The following AGPAT4 variants were observed in gnomAD, a reference collection of about 807,000 sequenced individuals.
AGPAT4 encodes 1-acyl-sn-glycerol-3-phosphate acyltransferase delta.
AGPAT4 carries 15 observed loss-of-function variants against 48.0 expected under a neutral mutation model. The observed-to-expected ratio is 0.31, with a 90% CI of 0.21 to 0.48. The LOEUF (loss-of-function observed/expected upper bound fraction) is 0.48. Among genes scored for constraint, AGPAT4 ranks in the 20% least tolerant of loss-of-function variants. The probability of loss-of-function intolerance (pLI) is 0.99; values close to 1 mark genes in which losing one functional copy is unlikely to be tolerated. For synonymous variants in AGPAT4, 178 were observed against 198.7 expected (o/e 0.90, Z 0.88); for missense variants, 314 against 482.5 (o/e 0.65, Z 3.27).
Position 161,165,677 on chromosome 6 carries a change from G to A in AGPAT4, c.348+571C>T. ...GACAAAAGTCAACTGAAGAGACCCA[G>A]TTCCAAAGGCATGCAAGCTACGTGC... On this transcript the variant is annotated intron_variant, in intron 3 of 8. Transcript: ENST00000320285. The surrounding 1 kb of genome is among the most constrained non-coding windows in gnomAD (Gnocchi z 5.5). 1 of 1,286,284 alleles carries A rather than the reference G, an allele frequency of 7.8e-7. No homozygotes were observed. Among genetic ancestry groups the A allele is most frequent in the Non-Finnish European group, 1.0e-6 (1 of 972,586 alleles). 79.7% of individuals were successfully genotyped at this position (1,286,284 alleles called of 1,614,324 possible).
In AGPAT4 at chr6:161,266,786, G is replaced by A. The variant is rs1783276973; in HGVS notation, c.-90+7152C>T. On this transcript the variant is annotated intron_variant, in intron 1 of 8. Transcript: ENST00000320285. The surrounding 1 kb of genome is among the most constrained non-coding windows in gnomAD (Gnocchi z 6.2). ...CTGCAGTATCCTGGGAAGAAGATGT[G>A]CTTGCATAGACAGATAGTTCTTTAA... Among the ~76,000 whole-genome samples, 1 of 152,202 alleles carries A rather than the reference G, an allele frequency of 6.6e-6. No individual in the cohort carries two copies. Among genetic ancestry groups the A allele is most frequent in the Non-Finnish European group, 1.5e-5 (1 of 68,042 alleles).
At chr6:161,136,896 GCA>G (rs2114947094) in intron 8 of AGPAT4, among the ~76,000 whole-genome samples, 1 of 152,330 alleles carries the variant, frequency 6.6e-6, no homozygotes, top group East Asian at 1.9e-4. Flanking sequence ...GGCAAGCCAT[GCA>G]CAGCCGTTCG....
chr6:161,258,855 T>C (rs1783019791), intron 1 of AGPAT4, among the ~76,000 whole-genome samples: 1 of 151,666 alleles, frequency 6.6e-6, no homozygotes, highest in Non-Finnish European at 1.5e-5. Context: ...GGAAGTGCAG[T>C]GGCACAATCT....
In AGPAT4 at chr6:161,219,863, A is replaced by G. The variant is rs1487915424; in HGVS notation, c.178+12173T>C. ...GATAGATAGATAGATAGATAGATAG[A>G]TAGATAGATAGGCAGGCAGGCAGGC... On this transcript the variant is annotated intron_variant, in intron 2 of 8. Transcript: ENST00000320285. This position sits in a 1 kb window ranked among gnomAD's most constrained non-coding sequence, Gnocchi z 4.9. Among the ~76,000 whole-genome samples the G allele has an allele frequency of 1.7e-5, 2 of 119,314 alleles. No individual in the cohort carries two copies. Among genetic ancestry groups the G allele is most frequent in the African/African-American group, 7.1e-5 (2 of 28,046 alleles). 78.3% of individuals were successfully genotyped at this position (119,314 alleles called of 152,430 possible).
chr6:161,185,605 C>A (rs1358681744), intron 2 of AGPAT4, among the ~76,000 whole-genome samples: 1 of 152,152 alleles, frequency 6.6e-6, no homozygotes, highest in African/African-American at 2.4e-5. Context: ...AATCTAGATT[C>A]TTTGACTTTG....
chr6:161,188,338 A>C (rs1780827737), intron 2 of AGPAT4, among the ~76,000 whole-genome samples: 1 of 152,186 alleles, frequency 6.6e-6, no homozygotes, highest in African/African-American at 2.4e-5. Context: ...GCTTTTAATT[A>C]TTAAGGATTA....
chr6:161,174,954 T>C (rs1262752360), intron 2 of AGPAT4, among the ~76,000 whole-genome samples: 3 of 152,224 alleles, frequency 2.0e-5, no homozygotes, highest in Non-Finnish European at 4.4e-5. Flanking sequence ...TTATGTTTAT[T>C]GATTTGCATA....
rs779820761 is a variant in AGPAT4 at position 161,154,116 on chromosome 6, C to A, written c.510+33G>T. 6.2e-7 allele frequency: 1 copy of A among 1,613,586 alleles called. No homozygotes were observed. Among genetic ancestry groups the A allele is most frequent in the African/African-American group, 1.3e-5 (1 of 74,904 alleles). On this transcript the variant is annotated intron_variant, in intron 4 of 8. Coordinates refer to ENST00000320285, the MANE Select transcript of AGPAT4 (RefSeq NM_020133.3). The surrounding 1 kb of genome is among the most constrained non-coding windows in gnomAD (Gnocchi z 7.8). ...CCCACGGTCACAGTCCTGCAGGAGC[C>A]CTTGGGACACAGCTGCTCTGGTGCC...
intron 1 of AGPAT4, among the ~76,000 whole-genome samples, chr6:161,273,044 T>C (rs1023720110): frequency 1.3e-5 from 2 of 152,208 alleles, no homozygotes; most frequent in African/African-American, 4.8e-5. Flanking sequence ...CAATATCACA[T>C]TTATCAGTGC....
intron 2 of AGPAT4, among the ~76,000 whole-genome samples, chr6:161,228,401 C>T (rs1168317320): frequency 6.6e-6 from 1 of 152,002 alleles, no homozygotes; most frequent in African/African-American, 2.4e-5. Context: ...CATCACAGTC[C>T]AGGAATATTC....
Position 161,171,090 on chromosome 6 carries a change from G to A in AGPAT4, c.179-4673C>T, listed in dbSNP as rs1002051791. ...TCCCGACCAGAAGCTATCAGCAGGTGCTGCACAACAGAGATGCTTGTGAGA... is the reference window on the plus strand; with the variant it reads ...TCCCGACCAGAAGCTATCAGCAGGTACTGCACAACAGAGATGCTTGTGAGA... On this transcript the variant is annotated intron_variant, in intron 2 of 8. Coordinates refer to ENST00000320285, the MANE Select transcript of AGPAT4 (RefSeq NM_020133.3). The surrounding 1 kb of genome is among the most constrained non-coding windows in gnomAD (Gnocchi z 4.4). Among the ~76,000 whole-genome samples the A allele has an allele frequency of 3.3e-5, 5 of 152,252 alleles. No homozygotes were observed. Among genetic ancestry groups the A allele is most frequent in the African/African-American group, 1.2e-4 (5 of 41,470 alleles).
rs1156813045 is a variant in AGPAT4, at chr6:161,267,659, T to G, written c.-90+6279A>C. On this transcript the variant is annotated intron_variant, in intron 1 of 8. Coordinates refer to ENST00000320285, the MANE Select transcript of AGPAT4 (RefSeq NM_020133.3). The surrounding 1 kb of genome is among the most constrained non-coding windows in gnomAD (Gnocchi z 5.2). ...ATCGCTTGAACCCAGGAGGCAGAGGTTGCAGTGAGCCAAGACTGCGCCATT... is the reference window on the plus strand; with the variant it reads ...ATCGCTTGAACCCAGGAGGCAGAGGGTGCAGTGAGCCAAGACTGCGCCATT... Among the ~76,000 whole-genome samples, 1 of 151,558 alleles carries G rather than the reference T, an allele frequency of 6.6e-6. No individual in the cohort carries two copies. The highest frequency in any genetic ancestry group is 1.5e-5 in the Non-Finnish European group (1 of 67,870).
At chr6:161,192,142 CTTTTTTTTTTTTTT>C (rs573872820) in intron 2 of AGPAT4, among the ~76,000 whole-genome samples, 2 of 45,614 alleles carry the variant, frequency 4.4e-5, no homozygotes, top group African/African-American at 2.1e-4. Flanking sequence ...AGAAGTTATA[CTTTTTTTTTTTTTT>C]TTTTTTTTTT....
At chr6:161,190,556 C>A (rs759571137) in intron 2 of AGPAT4, among the ~76,000 whole-genome samples, 4 of 143,048 alleles carry the variant, frequency 2.8e-5, no homozygotes, top group Admixed American at 7.3e-5. Flanking sequence ...GCAGAGAGCT[C>A]ATGGGAAGCT....
In AGPAT4 at chr6:161,242,752, G is replaced by A. The variant is rs915290312; in HGVS notation, c.-89-10450C>T. On this transcript the variant is annotated intron_variant, in intron 1 of 8. Coordinates refer to ENST00000320285, the MANE Select transcript of AGPAT4 (RefSeq NM_020133.3). This position sits in a 1 kb window ranked among gnomAD's most constrained non-coding sequence, Gnocchi z 5.0. The stretch of plus-strand genomic sequence containing the variant: ...AATTAATCTTCCAAACAGGGGAAAC[G>A]TCCACAACATTATATTCTGGTTAAT... 2.6e-5 allele frequency among the ~76,000 whole-genome samples: 4 copies of A among 152,090 alleles called. No homozygotes were observed. The highest frequency in any genetic ancestry group is 5.9e-5 in the Non-Finnish European group (4 of 68,016).
intron 1 of AGPAT4, among the ~76,000 whole-genome samples, chr6:161,247,913 C>T (rs1011072705): frequency 1.8e-4 from 23 of 130,812 alleles, no homozygotes; most frequent in African/African-American, 6.1e-4. Flanking sequence ...ATCCAGGAGG[C>T]GGAGGTTGCA....
Position 161,225,371 on chromosome 6 carries a change from T to A in AGPAT4, c.178+6665A>T, listed in dbSNP as rs2115030847. On this transcript the variant is annotated intron_variant, in intron 2 of 8. Transcript: ENST00000320285. The surrounding 1 kb of genome is among the most constrained non-coding windows in gnomAD (Gnocchi z 5.0). ...CTTCAGGGATAAGAACCCCTTCCCC[T>A]CTCTTGTCCAAGTGTGCACTCACCA... Among the ~76,000 whole-genome samples the A allele has an allele frequency of 6.6e-6, 1 of 152,288 alleles. No individual in the cohort carries two copies. Among genetic ancestry groups the A allele is most frequent in the Admixed American group, 6.5e-5 (1 of 15,292 alleles).
chr6:161,188,911 TC>T (rs1452884004), intron 2 of AGPAT4, among the ~76,000 whole-genome samples: 3 of 152,152 alleles, frequency 2.0e-5, no homozygotes, highest in Non-Finnish European at 4.4e-5. Context: ...GAGATGGCTT[TC>T]CCAAGGTCAT....
At chr6:161,257,299 T>C (rs1782969138) in intron 1 of AGPAT4, among the ~76,000 whole-genome samples, 1 of 152,102 alleles carries the variant, frequency 6.6e-6, no homozygotes, top group African/African-American at 2.4e-5. Context: ...TCAAGCATAT[T>C]ATGCTAAATG....
Sources: allele counts gnomAD v4.1 joint callset (sites outside exome capture counted in the v4.1 genomes callset), GRCh38; gene constraint gnomAD v4.1.1; non-coding constraint Gnocchi (gnomAD v3.1); transcripts MANE v1.5; gene names NCBI Gene and HGNC (gene_info 2026-07-23, HGNC 2026-07-21).